The following ARID1B variants were observed in gnomAD, a reference collection of about 807,000 sequenced individuals.
The protein encoded by ARID1B is AT-rich interaction domain 1B.
ARID1B carries 30 observed loss-of-function variants against 212.3 expected under a neutral mutation model. That is an observed-to-expected ratio of 0.14 (90% CI 0.11 to 0.19). The LOEUF is 0.19. ARID1B is among the 10% of genes least tolerant of loss of function. The pLI, the probability that ARID1B is intolerant of heterozygous loss-of-function variation, is 1.00. For missense variants in ARID1B, 2,891 were observed against 3,204.0 expected (o/e 0.90, Z 2.36); for synonymous variants, 1,402 against 1,301.7 (o/e 1.08, Z -1.66).
Position 156,777,564 on chromosome 6 carries a change from G to C in ARID1B, c.-117G>C, listed in dbSNP as rs1453211984. The C allele has an allele frequency of 6.6e-6, 1 of 151,706 alleles. No individual in the cohort carries two copies. The highest frequency in any genetic ancestry group is 1.5e-5 in the Non-Finnish European group (1 of 68,072). The allele number at this position is 151,706 out of a possible 1,614,324, so 9.4% of individuals were successfully genotyped here. On this transcript the variant is annotated 5_prime_UTR_variant, in exon 1 of 20. Coordinates refer to ENST00000636930, the MANE Select transcript of ARID1B (RefSeq NM_001374828.1). Reference sequence around the variant, plus strand: ...CTCCGGCGGGGCCTGCGGAGGGGGAGGGGGTCGCGGCTTCCCGGCGGGCCG... The same window carrying C: ...CTCCGGCGGGGCCTGCGGAGGGGGACGGGGTCGCGGCTTCCCGGCGGGCCG...
At chr6:157,188,189 C>A (rs1457608910) in intron 13 of ARID1B, among the ~76,000 whole-genome samples, 2 of 151,812 alleles carry the variant, frequency 1.3e-5, no homozygotes, top group Non-Finnish European at 2.9e-5. Context: ...GCACATGTAC[C>A]CCTCAACTTA....
At chr6:156,804,010 A>G (rs190403607) in intron 1 of ARID1B, among the ~76,000 whole-genome samples, 1 of 152,238 alleles carries the variant, frequency 6.6e-6, no homozygotes, top group African/African-American at 2.4e-5. Context: ...GTAACGTTGA[A>G]TTGCCTGGTA....
chr6:156,869,240 A>G (rs1785934914), intron 2 of ARID1B, among the ~76,000 whole-genome samples: 1 of 152,196 alleles, frequency 6.6e-6, no homozygotes, highest in Admixed American at 6.5e-5. Context: ...GTTTTTTCTA[A>G]TGACACTTCT....
At chr6:156,784,742 T>C (rs796236583) in intron 1 of ARID1B, among the ~76,000 whole-genome samples, 32 of 152,274 alleles carry the variant, frequency 2.1e-4, no homozygotes, top group African/African-American at 6.7e-4. Context: ...TCTAAGAAAA[T>C]TCTTTCCTTA....
intron 4 of ARID1B, 128 bp downstream of exon 4, chr6:156,935,704 G>T: frequency 2.3e-6 from 2 of 855,624 alleles, no homozygotes. Flanking sequence ...GGTTTATTTT[G>T]TGGTCAATTT....
intron 2 of ARID1B, among the ~76,000 whole-genome samples, chr6:156,834,242 G>T (rs1216932303): frequency 6.6e-6 from 1 of 152,132 alleles, no homozygotes; most frequent in Non-Finnish European, 1.5e-5. Flanking sequence ...GAATCCAATA[G>T]TCAGGGCTTA....
chr6:156,983,310 G>A (rs1777729579), intron 4 of ARID1B, among the ~76,000 whole-genome samples: 1 of 152,016 alleles, frequency 6.6e-6, no homozygotes, highest in African/African-American at 2.4e-5. Flanking sequence ...CAGGAGAATC[G>A]CTTGAACCCA....
intron 4 of ARID1B, chr6:156,943,351 T>C (rs1437085357): frequency 1.3e-5 from 2 of 152,122 alleles, no homozygotes; most frequent in Non-Finnish European, 1.5e-5. Context: ...ATATAGACTG[T>C]AATTTAAAAC....
intron 5 of ARID1B, among the ~76,000 whole-genome samples, chr6:157,095,260 C>T (rs1390971849): frequency 2.0e-5 from 3 of 152,180 alleles, no homozygotes; most frequent in South Asian, 2.1e-4. Context: ...CCTCAGCACT[C>T]GCCACACAAC....
At chr6:157,160,069 A>T (rs1790832920) in intron 8 of ARID1B, among the ~76,000 whole-genome samples, 1 of 152,262 alleles carries the variant, frequency 6.6e-6, no homozygotes, top group Non-Finnish European at 1.5e-5. Flanking sequence ...AGCACTGAAT[A>T]CATGGAAGCT....
At chr6:157,205,321 CT>C (rs1668449346) in intron 19 of ARID1B, 2 of 152,284 alleles carry the variant, frequency 1.3e-5, no homozygotes, top group South Asian at 4.1e-4. Context: ...GGAAAGAATC[CT>C]TGTTAGAATC....
chr6:156,896,662 C>T (rs538090639), intron 2 of ARID1B, among the ~76,000 whole-genome samples: 3 of 150,636 alleles, frequency 2.0e-5, no homozygotes, highest in Admixed American at 6.6e-5. Flanking sequence ...AGGTGGATCA[C>T]GAGGTCAAGA....
At chr6:156,846,225 G>A (rs1043824545) in intron 2 of ARID1B, among the ~76,000 whole-genome samples, 4 of 151,952 alleles carry the variant, frequency 2.6e-5, no homozygotes, top group Non-Finnish European at 4.4e-5. Context: ...CACAATCTCC[G>A]CTCACTGCAA....
At chr6:157,055,415 A>C (rs1444495078) in intron 4 of ARID1B, among the ~76,000 whole-genome samples, 3 of 152,186 alleles carry the variant, frequency 2.0e-5, no homozygotes, top group African/African-American at 7.2e-5. Flanking sequence ...TAGCTGCTCA[A>C]AATTTTTGCT....
At chr6:157,036,985 CTGAGGT>C in intron 4 of ARID1B, 1 of 395,604 alleles carries the variant, frequency 2.5e-6, no homozygotes. Flanking sequence ...AATCAAAACA[CTGAGGT>C]TTAAAAATCT....
chr6:157,103,831 CTTTTTTTTTTT>C (rs869280492), intron 5 of ARID1B, among the ~76,000 whole-genome samples: 1 of 118,388 alleles, frequency 8.4e-6, no homozygotes, highest in Non-Finnish European at 1.7e-5. Context: ...ATATTAACAA[CTTTTTTTTTTT>C]TTTTTTTTTT....
At position 157,205,912 on chromosome 6, in the gene ARID1B, G is replaced by T. The variant is rs185393547; in HGVS notation, c.5395-255G>T. 410 of 472,874 alleles carry T rather than the reference G, an allele frequency of 8.7e-4. 4 individuals carry two copies. In the East Asian group the frequency reaches 0.013, roughly 15 times the overall value. 29.3% of individuals were successfully genotyped at this position (472,874 alleles called of 1,614,324 possible). On this transcript the variant is annotated intron_variant, in intron 19 of 19. Transcript: ENST00000636930. ...ATATGAGAATAAAAAGTAAGTTTTC[G>T]TGTAGATAGTCTAAGCAAGGAAGCA...
In ARID1B at chr6:157,148,550, A is replaced by T; in HGVS notation, c.2762-74A>T. On this transcript the variant is annotated intron_variant, in intron 7 of 19. Coordinates refer to ENST00000636930, the MANE Select transcript of ARID1B (RefSeq NM_001374828.1). This position sits in a 1 kb window ranked among gnomAD's most constrained non-coding sequence, Gnocchi z 5.6. The stretch of plus-strand genomic sequence containing the variant: ...TACTCCGTGCTGATCGCATTGTTGG[A>T]CAAAAAGTATTTCCAGTGAATGTTG... 4.0e-6 allele frequency: 6 copies of T among 1,496,090 alleles called. No homozygotes were observed. Among genetic ancestry groups the T allele is most frequent in the Non-Finnish European group, 5.4e-6 (6 of 1,104,082 alleles). The allele number at this position is 1,496,090 out of a possible 1,614,324, so 92.7% of individuals were successfully genotyped here.
chr6:157,070,528 G>A (rs2128428304), intron 4 of ARID1B, among the ~76,000 whole-genome samples: 1 of 152,278 alleles, frequency 6.6e-6, no homozygotes, highest in South Asian at 2.1e-4. Flanking sequence ...GTCAGCATCA[G>A]TTTAGGAGCT....
Sources: allele counts gnomAD v4.1 joint callset (sites outside exome capture counted in the v4.1 genomes callset), GRCh38; gene constraint gnomAD v4.1.1; non-coding constraint Gnocchi (gnomAD v3.1); transcripts MANE v1.5; gene names NCBI Gene and HGNC (gene_info 2026-07-23, HGNC 2026-07-21).